The following ZNF624 variants were observed in gnomAD, a reference collection of about 807,000 sequenced individuals.
ZNF624 encodes the protein zinc finger protein 624.
Under a neutral mutation model 74.7 loss-of-function variants are expected in ZNF624, and 43 were observed. The observed-to-expected ratio is 0.58, with a 90% CI of 0.45 to 0.74. The LOEUF (loss-of-function observed/expected upper bound fraction) is 0.74. ZNF624 is among the 30% of genes least tolerant of loss of function. The pLI is 0.00. For missense variants in ZNF624, 820 were observed against 1,030.0 expected (o/e 0.80, Z 2.79); for synonymous variants, 331 against 341.3 (o/e 0.97, Z 0.33).
the ZNF624 span, among the ~76,000 whole-genome samples, chr17:16,615,105 T>G: frequency 6.6e-6 from 1 of 152,094 alleles, no homozygotes; most frequent in Admixed American, 6.5e-5. Flanking sequence ...TCAGCTTTCT[T>G]TTTTATTTTG....
downstream of ZNF624, among the ~76,000 whole-genome samples, chr17:16,616,493 T>C (rs1908794131): frequency 4.6e-5 from 7 of 152,130 alleles, no homozygotes; most frequent in African/African-American, 1.7e-4. Flanking sequence ...AATTTAAAAA[T>C]AAGCAAACAA....
chr17:16,635,227 T>G (rs1909299427), intron 3 of ZNF624, among the ~76,000 whole-genome samples: 1 of 152,148 alleles, frequency 6.6e-6, no homozygotes, highest in Admixed American at 6.5e-5. Context: ...ATTTGTATTG[T>G]GGATATAGAA....
At chr17:16,641,102 A>T (rs1909455691) in intron 3 of ZNF624, among the ~76,000 whole-genome samples, 1 of 152,210 alleles carries the variant, frequency 6.6e-6, no homozygotes, top group African/African-American at 2.4e-5. Context: ...AATAGATTCA[A>T]ATATGTATTT....
chr17:16,616,854 C>G, downstream of ZNF624: 1 of 1,268,224 alleles, frequency 7.9e-7, no homozygotes, highest in Non-Finnish European at 1.1e-6. Flanking sequence ...TGAGTTAATC[C>G]CTGGAACTCG....
At chr17:16,620,322 G>T (rs956191810), downstream of ZNF624, among the ~76,000 whole-genome samples, 1 of 152,076 alleles carries the variant, frequency 6.6e-6, no homozygotes, top group African/African-American at 2.4e-5. Flanking sequence ...TTATAGACTT[G>T]GGAGTTATTG....
chr17:16,617,898 G>T, downstream of ZNF624: 1 of 1,524,102 alleles, frequency 6.6e-7, no homozygotes. Flanking sequence ...GGCGGGCGGG[G>T]GCCCAAGGGC....
intron 1 of ZNF624, among the ~76,000 whole-genome samples, chr17:16,652,578 A>G (rs1017767995): frequency 6.6e-6 from 1 of 152,242 alleles, no homozygotes; most frequent in Non-Finnish European, 1.5e-5. Flanking sequence ...TTATTTTATA[A>G]TTAGAATAAA....
chr17:16,630,064 A>G (rs1795710716), intron 5 of ZNF624, among the ~76,000 whole-genome samples: 1 of 152,172 alleles, frequency 6.6e-6, no homozygotes, highest in African/African-American at 2.4e-5. Flanking sequence ...TGATCCAACA[A>G]AGCCAAAAAT....
intron 3 of ZNF624, among the ~76,000 whole-genome samples, chr17:16,640,869 A>G (rs1408353571): frequency 1.3e-5 from 2 of 152,054 alleles, no homozygotes; most frequent in Non-Finnish European, 2.9e-5. Context: ...TATGAGACCA[A>G]TATTACCAAA....
chr17:16,614,277 A>G, the ZNF624 span, among the ~76,000 whole-genome samples: 15 of 152,268 alleles, frequency 9.9e-5, no homozygotes, highest in African/African-American at 3.6e-4. Flanking sequence ...TTTAAAAAAA[A>G]TTAAATGTTA....
At position 16,636,101 on chromosome 17, in the gene ZNF624, C is replaced by T. The variant is rs143778165; in HGVS notation, c.154-1345G>A. The stretch of plus-strand genomic sequence containing the variant: ...ACAGGAGACAACTTGAAGAGGCTTC[C>T]ACTGGCCAATGATATGACAATTTGA... On this transcript the variant is annotated intron_variant, in intron 3 of 5. Coordinates refer to ENST00000311331, the MANE Select transcript of ZNF624 (RefSeq NM_020787.4). Among the ~76,000 whole-genome samples, 909 of 152,254 alleles carry T rather than the reference C, an allele frequency of 6.0e-3. 10 individuals carry two copies. Among genetic ancestry groups the T allele is most frequent in the African/African-American group, 0.021 (864 of 41,550 alleles).
At chr17:16,625,034 CA>C (rs71152822) in intron 5 of ZNF624, among the ~76,000 whole-genome samples, 36,335 of 103,440 alleles carry the variant, frequency 0.35, 6,756 homozygotes, top group African/African-American at 0.6. Context: ...ACGACTGTCT[CA>C]AAAAAAAAAA....
In ZNF624 at chr17:16,621,250, C is replaced by G. The variant is rs1908904699; in HGVS notation, c.*1038G>C. ...TTTTTAAAATTACTCTCACACTGTTCCATAATATGGGTATGTCACAATTTA... is the reference window on the plus strand; with the variant it reads ...TTTTTAAAATTACTCTCACACTGTTGCATAATATGGGTATGTCACAATTTA... On this transcript the variant is annotated 3_prime_UTR_variant, in exon 6 of 6. Transcript: ENST00000311331. The G allele has an allele frequency of 6.6e-6, 1 of 152,212 alleles. No homozygotes were observed. The highest frequency in any genetic ancestry group is 6.5e-5 in the Admixed American group (1 of 15,286). The allele number at this position is 152,212 out of a possible 1,614,324, so 9.4% of individuals were successfully genotyped here.
At chr17:16,618,882 C>T (rs577428470), downstream of ZNF624, among the ~76,000 whole-genome samples, 15 of 152,210 alleles carry the variant, frequency 9.9e-5, no homozygotes, top group South Asian at 1.0e-3. Flanking sequence ...TGGTAAGGCT[C>T]CTAGTCAAAC....
downstream of ZNF624, chr17:16,617,671 G>C (rs1329961433): frequency 3.1e-6 from 5 of 1,606,014 alleles, no homozygotes; most frequent in Middle Eastern, 2.2e-4. Context: ...CGCGGGCCCC[G>C]GGCGTGCTCT....
intron 1 of ZNF624, among the ~76,000 whole-genome samples, chr17:16,651,133 T>C (rs887339571): frequency 6.6e-6 from 1 of 151,980 alleles, no homozygotes; most frequent in Non-Finnish European, 1.5e-5. Context: ...CAAGAAAATA[T>C]GTAAATATCT....
At chr17:16,644,454 G>A (rs1909539486) in intron 3 of ZNF624, among the ~76,000 whole-genome samples, 2 of 152,194 alleles carry the variant, frequency 1.3e-5, no homozygotes, top group South Asian at 4.1e-4. Context: ...CACCATCCCA[G>A]ACCAACTCTA....
intron 1 of ZNF624, among the ~76,000 whole-genome samples, chr17:16,651,666 T>C (rs1458965161): frequency 6.6e-6 from 1 of 152,186 alleles, no homozygotes; most frequent in Non-Finnish European, 1.5e-5. Flanking sequence ...AGTGTTTCTC[T>C]AGATTTTTCT....
At chr17:16,637,477 C>A (rs2142618678) in intron 3 of ZNF624, among the ~76,000 whole-genome samples, 1 of 152,240 alleles carries the variant, frequency 6.6e-6, no homozygotes, top group Admixed American at 6.5e-5. Context: ...TACTACAAGG[C>A]TACAGTAACC....
Sources: allele counts gnomAD v4.1 joint callset (sites outside exome capture counted in the v4.1 genomes callset), GRCh38; gene constraint gnomAD v4.1.1; transcripts MANE v1.5; gene names NCBI Gene and HGNC (gene_info 2026-07-23, HGNC 2026-07-21).